The following PDE1C variants were observed in gnomAD, a reference collection of about 807,000 sequenced individuals.
The protein encoded by PDE1C is phosphodiesterase 1C, also known as dual specificity calcium/calmodulin-dependent 3',5'-cyclic nucleotide phosphodiesterase 1C.
A neutral mutation model predicts 93.1 loss-of-function variants in PDE1C; 62 were observed. That is an observed-to-expected ratio of 0.67 (90% CI 0.54 to 0.82). PDE1C has a LOEUF of 0.82. Ranked by LOEUF, PDE1C falls within the 40% of genes least tolerant of loss-of-function variation. The probability of loss-of-function intolerance (pLI) is 0.00; values close to 1 mark genes in which losing one functional copy is unlikely to be tolerated. For missense variants in PDE1C, 742 were observed against 884.6 expected (o/e 0.84, Z 2.04); for synonymous variants, 325 against 310.1 (o/e 1.05, Z -0.50).
At chr7:31,801,289 T>C (rs1209241717) in intron 16 of PDE1C, among the ~76,000 whole-genome samples, 3 of 151,356 alleles carry the variant, frequency 2.0e-5, no homozygotes, top group Non-Finnish European at 4.4e-5. Flanking sequence ...GATAACATTA[T>C]TAAAAATTCT....
Position 31,754,977 on chromosome 7 carries a change from A to T in PDE1C, c.1961-1424T>A, listed in dbSNP as rs375683661. Among the ~76,000 whole-genome samples the T allele has an allele frequency of 5.2e-5, 8 of 152,382 alleles. 1 individual carries two copies. The highest frequency in any genetic ancestry group is 1.9e-4 in the East Asian group (1 of 5,190). On this transcript the variant is annotated intron_variant, in intron 17 of 17. Transcript: ENST00000396191. ...TGTAAATGCATTGCCAATGTAGGAA[A>T]CAACCTCACTGAAGAGTGGGGGACA...
the PDE1C span, among the ~76,000 whole-genome samples, chr7:31,655,091 C>T: frequency 6.6e-6 from 1 of 152,298 alleles, no homozygotes; most frequent in East Asian, 1.9e-4. Flanking sequence ...CAGCTCTCTC[C>T]AGTATCCCAG....
chr7:32,077,982 C>T (rs908081203), intron 3 of PDE1C: 25 of 985,318 alleles, frequency 2.5e-5, no homozygotes, highest in Non-Finnish European at 3.0e-5. Context: ...GGCCTCCTGA[C>T]TTCTGGCTCC....
At chr7:32,177,217 A>G (rs1803057708) in intron 2 of PDE1C, among the ~76,000 whole-genome samples, 1 of 152,200 alleles carries the variant, frequency 6.6e-6, no homozygotes, top group Non-Finnish European at 1.5e-5. Flanking sequence ...GTAGATTCTG[A>G]GACAAGGGCT....
chr7:32,229,479 G>A (rs1432143780), intron 1 of PDE1C, among the ~76,000 whole-genome samples: 2 of 152,160 alleles, frequency 1.3e-5, no homozygotes, highest in Admixed American at 6.5e-5. Flanking sequence ...GTACCCTGTT[G>A]GTCAGTGGCG....
chr7:31,825,119 A>G (rs981996558), intron 12 of PDE1C, 132 bp from the exon 13 acceptor site: 34 of 1,137,680 alleles, frequency 3.0e-5, no homozygotes, highest in Non-Finnish European at 4.2e-5. Context: ...TACTGTATGT[A>G]TTCCTTGATT....
chr7:32,344,405 T>G (rs944954616), intron 1 of PDE1C, among the ~76,000 whole-genome samples: 6 of 152,226 alleles, frequency 3.9e-5, no homozygotes, highest in African/African-American at 1.4e-4. Flanking sequence ...CTAAAAAACT[T>G]AACAATGGTT....
chr7:31,888,293 A>C (rs1029995803), intron 2 of PDE1C, among the ~76,000 whole-genome samples: 1 of 151,486 alleles, frequency 6.6e-6, no homozygotes, highest in South Asian at 2.1e-4. Flanking sequence ...AAGTCTAAAA[A>C]TAAGTGATCT....
At chr7:32,325,953 G>C (rs1168930464) in intron 1 of PDE1C, among the ~76,000 whole-genome samples, 1 of 152,166 alleles carries the variant, frequency 6.6e-6, no homozygotes, top group East Asian at 1.9e-4. Flanking sequence ...TGGTGGCTTG[G>C]ATCAGGGTGG....
At chr7:32,110,326 G>T (rs923442749) in intron 3 of PDE1C, among the ~76,000 whole-genome samples, 1 of 152,092 alleles carries the variant, frequency 6.6e-6, no homozygotes, top group Non-Finnish European at 1.5e-5. Flanking sequence ...TTGGCTGGTG[G>T]CCTCCGTTTT....
chr7:31,820,114 A>G lies in PDE1C; in HGVS notation c.1582+2959T>C, dbSNP rs868635057. ...CGAATCATATACTGTAAATCTAAAT[A>G]TTCAGTATCAGAATAAAATATTCAA... is the stretch of plus-strand genomic sequence containing the variant. On this transcript the variant is annotated intron_variant, in intron 14 of 17. Transcript: ENST00000396191. 8.8e-4 allele frequency among the ~76,000 whole-genome samples: 134 copies of G among 152,266 alleles called. 1 individual carries two copies. Among genetic ancestry groups the G allele is most frequent in the African/African-American group, 3.1e-3 (130 of 41,576 alleles).
intron 17 of PDE1C, among the ~76,000 whole-genome samples, chr7:31,768,715 A>G (rs558635433): frequency 6.6e-6 from 1 of 152,196 alleles, no homozygotes; most frequent in South Asian, 2.1e-4. Flanking sequence ...ACATGTTTTA[A>G]TTACTGATGT....
chr7:32,311,016 AAAG>A (rs1482547178), intron 1 of PDE1C, among the ~76,000 whole-genome samples: 5 of 152,232 alleles, frequency 3.3e-5, no homozygotes, highest in African/African-American at 1.2e-4. Flanking sequence ...CAAGATTAAT[AAAG>A]AAGAAAAGAG....
intron 2 of PDE1C, among the ~76,000 whole-genome samples, chr7:31,926,104 T>C (rs1172939282): frequency 6.6e-6 from 1 of 152,100 alleles, no homozygotes; most frequent in African/African-American, 2.4e-5. Context: ...ATGGATAGGA[T>C]ATATTCTATT....
At chr7:31,928,120 C>A (rs1447255691) in intron 2 of PDE1C, among the ~76,000 whole-genome samples, 1 of 151,942 alleles carries the variant, frequency 6.6e-6, no homozygotes, top group East Asian at 1.9e-4. Flanking sequence ...CTGAAAAACA[C>A]AGCACGAGAA....
intron 1 of PDE1C, among the ~76,000 whole-genome samples, chr7:32,310,924 G>C (rs1186837677): frequency 6.6e-6 from 1 of 152,094 alleles, no homozygotes; most frequent in Non-Finnish European, 1.5e-5. Context: ...GAAGGAAATA[G>C]AGACACAAAA....
rs1562660298 is a variant in PDE1C at position 32,298,013 on chromosome 7, TCTC to T, written c.85+635_85+637del. Among the ~76,000 whole-genome samples the T allele has an allele frequency of 3.0e-3, 93 of 30,532 alleles. 10 individuals carry two copies. Among genetic ancestry groups the T allele is most frequent in the South Asian group, 0.022 (12 of 552 alleles). 20.0% of individuals were successfully genotyped at this position (30,532 alleles called of 152,430 possible). A position where few individuals can be genotyped will look rare whatever the true frequency, so the allele number is the denominator to read the frequency against. On this transcript the variant is annotated intron_variant, in intron 1 of 18. Transcript: ENST00000396193. ...TCTCTCTCTCCTCTCTCTCTCTCTCTCTCCCTCTCTCTCTCTCTCTCTCTCTCT... is the reference window on the plus strand; with the variant it reads ...TCTCTCTCTCCTCTCTCTCTCTCTCTCCTCTCTCTCTCTCTCTCTCTCTCT...
chr7:32,319,506 T>C (rs1022063093), intron 1 of PDE1C, among the ~76,000 whole-genome samples: 2 of 152,140 alleles, frequency 1.3e-5, no homozygotes, highest in African/African-American at 2.4e-5. Context: ...CCTGGATTGA[T>C]CCCCACCTGA....
At chr7:31,857,906 CA>C (rs35325274) in intron 7 of PDE1C, among the ~76,000 whole-genome samples, 2 of 151,178 alleles carry the variant, frequency 1.3e-5, no homozygotes, top group East Asian at 1.9e-4. Flanking sequence ...ATTCAAAGGG[CA>C]AAAAAAGAGG....
Sources: gnomAD v4.1 joint callset for allele counts (sites outside exome capture counted in the v4.1 genomes callset) on GRCh38, gnomAD v4.1.1 for gene constraint, MANE v1.5 for transcripts, NCBI Gene and HGNC (gene_info 2026-07-23, HGNC 2026-07-21) for gene names.